PANK1: variants seen among roughly 807,000 people sequenced by gnomAD.
PANK1 encodes the protein pantothenic acid kinase 1.
In PANK1, 18 loss-of-function variants were observed where a neutral mutation model predicts 40.1. The ratio of observed to expected loss-of-function variants is 0.45; its 90% CI spans 0.31 to 0.67. The LOEUF (loss-of-function observed/expected upper bound fraction) is 0.67. PANK1 is among the 30% of genes least tolerant of loss of function. The pLI is 0.06. For synonymous variants in PANK1, 242 were observed against 237.7 expected, an observed-to-expected ratio of 1.02 and a Z score of -0.17; for missense variants, 457 against 599.6, an observed-to-expected ratio of 0.76 and a Z score of 2.48.
At chr10:89,623,292 G>A (rs562585267) in intron 1 of PANK1, among the ~76,000 whole-genome samples, 5 of 152,204 alleles carry the variant, frequency 3.3e-5, no homozygotes, top group Non-Finnish European at 7.4e-5. Context: ...CGCAATCTCG[G>A]CTCACTGCAA....
chr10:89,587,431 G>C (rs1447622949), intron 6 of PANK1, among the ~76,000 whole-genome samples: 2 of 152,162 alleles, frequency 1.3e-5, no homozygotes, highest in African/African-American at 4.8e-5. Context: ...TTAAATTCTT[G>C]AGAAATATTG....
At chr10:89,622,310 A>C (rs1039606090) in intron 1 of PANK1, among the ~76,000 whole-genome samples, 3 of 152,218 alleles carry the variant, frequency 2.0e-5, no homozygotes, top group African/African-American at 7.2e-5. Flanking sequence ...CTTTCAAATT[A>C]ATGTGTACCA....
At chr10:89,620,821 G>A (rs1186745833) in intron 1 of PANK1, among the ~76,000 whole-genome samples, 1 of 152,158 alleles carries the variant, frequency 6.6e-6, no homozygotes, top group Non-Finnish European at 1.5e-5. Flanking sequence ...CAGAGGCCCA[G>A]CTGTAAAATT....
chr10:89,590,199 C>G (rs911606128), intron 5 of PANK1, among the ~76,000 whole-genome samples: 1 of 151,904 alleles, frequency 6.6e-6, no homozygotes, highest in South Asian at 2.1e-4. Context: ...AACATCACCA[C>G]AAACAAATCC....
intron 2 of PANK1, among the ~76,000 whole-genome samples, chr10:89,611,199 T>G (rs1300138557): frequency 2.0e-5 from 3 of 152,234 alleles, no homozygotes; most frequent in African/African-American, 7.2e-5. Flanking sequence ...CATTTTTGTT[T>G]GTGAGCAAAA....
chr10:89,589,779 A>C (rs536916399), intron 5 of PANK1, among the ~76,000 whole-genome samples: 52 of 151,848 alleles, frequency 3.4e-4, no homozygotes, highest in Non-Finnish European at 6.6e-4. Context: ...AAAAAAAAAA[A>C]CAAAAAACTA....
At chr10:89,600,882 A>T (rs1156758315) in intron 2 of PANK1, among the ~76,000 whole-genome samples, 1 of 152,228 alleles carries the variant, frequency 6.6e-6, no homozygotes, top group East Asian at 1.9e-4. Context: ...AAATCTCTTT[A>T]AAAATATAAT....
At chr10:89,627,032 TTTC>T (rs1169850150) in intron 1 of PANK1, among the ~76,000 whole-genome samples, 2 of 152,190 alleles carry the variant, frequency 1.3e-5, no homozygotes, top group East Asian at 3.8e-4. Flanking sequence ...TGTTCATTTA[TTTC>T]TTAACTATGA....
At chr10:89,644,511 G>A (rs1250751725) in intron 1 of PANK1, 89 bp downstream of exon 1, 10 of 1,194,674 alleles carry the variant, frequency 8.4e-6, no homozygotes, top group South Asian at 1.5e-5. Context: ...CACGGGGCGT[G>A]CTGCGGCGCC....
intron 2 of PANK1, among the ~76,000 whole-genome samples, chr10:89,601,098 C>T (rs1321525753): frequency 6.6e-6 from 1 of 151,978 alleles, no homozygotes; most frequent in African/African-American, 2.4e-5. Context: ...ATGGGTACTG[C>T]TTCTGGAGTC....
intron 1 of PANK1, among the ~76,000 whole-genome samples, chr10:89,638,242 T>C (rs1379341378): frequency 6.6e-6 from 1 of 152,264 alleles, no homozygotes; most frequent in African/African-American, 2.4e-5. Context: ...ACTACCTTTG[T>C]ATATGTGCTC....
chr10:89,600,099 A>G (rs1187545622), intron 2 of PANK1, among the ~76,000 whole-genome samples: 1 of 152,220 alleles, frequency 6.6e-6, no homozygotes, highest in East Asian at 1.9e-4. Flanking sequence ...CGGTCCTGCT[A>G]ATGCTTTGAA....
intron 2 of PANK1, among the ~76,000 whole-genome samples, chr10:89,608,075 C>T (rs184371470): frequency 4.0e-5 from 6 of 150,438 alleles, no homozygotes; most frequent in South Asian, 2.1e-4. Flanking sequence ...CTCGTCGCCC[C>T]GGCTGGAGTG....
At chr10:89,590,085 G>T (rs1331891856) in intron 5 of PANK1, among the ~76,000 whole-genome samples, 2 of 150,162 alleles carry the variant, frequency 1.3e-5, no homozygotes, top group East Asian at 3.9e-4. Flanking sequence ...GGAAAAATAT[G>T]GAAGAATTGG....
intron 1 of PANK1, among the ~76,000 whole-genome samples, chr10:89,614,187 A>C (rs7076537): frequency 0.63 from 95,633 of 152,018 alleles, 30,187 homozygotes; most frequent in South Asian, 0.71. Flanking sequence ...CTCATCAGAG[A>C]GGCGAAGATG....
chr10:89,580,069 C>T (rs560739638), downstream of PANK1: 1 of 152,352 alleles, frequency 6.6e-6, no homozygotes, highest in Admixed American at 6.5e-5. Flanking sequence ...TGATAGTTTA[C>T]GATGCTCCCA....
At chr10:89,604,581 C>T (rs185547043) in intron 2 of PANK1, among the ~76,000 whole-genome samples, 1 of 150,266 alleles carries the variant, frequency 6.7e-6, no homozygotes, top group Non-Finnish European at 1.5e-5. Context: ...GTAATTCCAG[C>T]TACTTGGGAG....
chr10:89,625,155 C>A (rs1845620879), intron 1 of PANK1, among the ~76,000 whole-genome samples: 1 of 152,218 alleles, frequency 6.6e-6, no homozygotes, highest in Non-Finnish European at 1.5e-5. Context: ...TCCTCCTCAG[C>A]CTCCCAAAGT....
Position 89,625,091 on chromosome 10 carries a change from G to A in PANK1, c.293-13043C>T, listed in dbSNP as rs557660287. Among the ~76,000 whole-genome samples, 5 of 152,246 alleles carry A rather than the reference G, an allele frequency of 3.3e-5. No homozygotes were observed. The East Asian group carries it at 9.7e-4, about 29-fold the overall frequency. ...AATTTTTACATTTTTTGGTAGAGAT[G>A]GGGTTTAGCCATGTTGCCCAGGCTG... On this transcript the variant is annotated intron_variant, in intron 1 of 6. Transcript: ENST00000307534.
Sources: gnomAD v4.1 joint callset for allele counts (sites outside exome capture counted in the v4.1 genomes callset) on GRCh38, gnomAD v4.1.1 for gene constraint, MANE v1.5 for transcripts, NCBI Gene and HGNC (gene_info 2026-07-23, HGNC 2026-07-21) for gene names.